Variants in KPNA1 observed in about 807,000 individuals in gnomAD.
KPNA1 encodes the protein karyopherin subunit alpha 1.
Under a neutral mutation model 70.5 loss-of-function variants are expected in KPNA1, and 10 were observed. The observed-to-expected ratio is 0.14, with a 90% CI of 0.09 to 0.24. KPNA1 has a LOEUF of 0.24. Among genes scored for constraint, KPNA1 ranks in the 10% least tolerant of loss-of-function variants. KPNA1 has a pLI of 1.00. For missense variants in KPNA1, 397 were observed against 637.9 expected, an observed-to-expected ratio of 0.62 and a Z score of 4.07; for synonymous variants, 192 against 221.9, an observed-to-expected ratio of 0.87 and a Z score of 1.20.
intron 12 of KPNA1, 105 bp downstream of exon 12, chr3:122,433,556 A>C: frequency 1.1e-6 from 1 of 898,908 alleles, no homozygotes; most frequent in Non-Finnish European, 1.6e-6. Flanking sequence ...TTCCCCTCAA[A>C]GGCAGCTAAT....
At chr3:122,463,347 CA>C (rs10575172) in intron 4 of KPNA1, among the ~76,000 whole-genome samples, 59,266 of 135,616 alleles carry the variant, frequency 0.44, 12,917 homozygotes, top group Admixed American at 0.52. Flanking sequence ...GACTCCATCT[CA>C]AAAAAAAAAA....
chr3:122,427,809 G>C, intron 12 of KPNA1, 93 bp from the exon 13 acceptor site: 2 of 728,716 alleles, frequency 2.7e-6, no homozygotes, highest in Non-Finnish European at 4.0e-6. Flanking sequence ...TCACTGCAGA[G>C]ACTTAAAAAA....
chr3:122,469,897 AG>A (rs2076422223), intron 2 of KPNA1, among the ~76,000 whole-genome samples: 1 of 152,240 alleles, frequency 6.6e-6, no homozygotes, highest in Non-Finnish European at 1.5e-5. Flanking sequence ...CCACCAACCT[AG>A]AAACTCTGAA....
chr3:122,493,181 A>C (rs1420461907), intron 2 of KPNA1, among the ~76,000 whole-genome samples: 1 of 152,252 alleles, frequency 6.6e-6, no homozygotes, highest in Non-Finnish European at 1.5e-5. Context: ...AACAGGATTA[A>C]AACATATTAT....
chr3:122,488,445 G>A (rs1411797710), intron 2 of KPNA1, among the ~76,000 whole-genome samples: 1 of 152,108 alleles, frequency 6.6e-6, no homozygotes, highest in Non-Finnish European at 1.5e-5. Context: ...TTTGAGTCTG[G>A]GAGGTTGAGG....
intron 1 of KPNA1, among the ~76,000 whole-genome samples, chr3:122,505,750 A>G (rs891042181): frequency 3.9e-5 from 6 of 152,192 alleles, no homozygotes; most frequent in Non-Finnish European, 8.8e-5. Context: ...CTAGTTACTC[A>G]ATTATCAAAT....
At chr3:122,509,088 A>C (rs2076924009) in intron 1 of KPNA1, among the ~76,000 whole-genome samples, 1 of 152,120 alleles carries the variant, frequency 6.6e-6, no homozygotes, top group Non-Finnish European at 1.5e-5. Context: ...TCTACTAAAA[A>C]TACAAAAATT....
rs138913837 is a variant in KPNA1, at chr3:122,451,495, G to T, written c.753+39C>A. 3.0e-4 allele frequency: 343 copies of T among 1,142,990 alleles called. No homozygotes were observed. The African/African-American group carries it at 5.0e-3, about 17-fold the overall frequency. 70.8% of individuals were successfully genotyped at this position (1,142,990 alleles called of 1,614,324 possible). The stretch of plus-strand genomic sequence containing the variant: ...CATTGGTTGCAATACTCTTTTAATT[G>T]TATTTTTTCTGCCAATGTCCCAAAA... On this transcript the variant is annotated intron_variant, in intron 8 of 13. Coordinates refer to ENST00000344337, the MANE Select transcript of KPNA1 (RefSeq NM_002264.4).
chr3:122,427,638 G>A lies in KPNA1; in HGVS notation c.1329C>T (p.Ala443=). The A allele has an allele frequency of 6.2e-7, 1 of 1,614,010 alleles. No homozygotes were observed. The highest frequency in any genetic ancestry group is 8.5e-7 in the Non-Finnish European group (1 of 1,179,976). ...TCAGGATATTTTCCAAGCCATTTAG[G>A]GCAACCTGTACAATCTTAGAGTCCA... ...TVMDSKIVQV[A]LNGLENILRL... The change falls in exon 13 of 14, where the codon GCC becomes GCT. Residue 443 remains alanine (A), a synonymous_variant. Coordinates refer to ENST00000344337, the MANE Select transcript of KPNA1 (RefSeq NM_002264.4).
At chr3:122,429,253 C>G (rs1399341284) in intron 12 of KPNA1, among the ~76,000 whole-genome samples, 1 of 152,068 alleles carries the variant, frequency 6.6e-6, no homozygotes, top group Non-Finnish European at 1.5e-5. Flanking sequence ...GAGTTCAAGA[C>G]TAGCCTGGCC....
At chr3:122,485,065 T>A (rs1331846309) in intron 2 of KPNA1, among the ~76,000 whole-genome samples, 1 of 152,066 alleles carries the variant, frequency 6.6e-6, no homozygotes, top group African/African-American at 2.4e-5. Context: ...GTTTTGTTGT[T>A]GTTGCTGTTG....
chr3:122,433,406 T>A (rs895888126), intron 12 of KPNA1: 9 of 339,516 alleles, frequency 2.7e-5, no homozygotes, highest in African/African-American at 1.9e-4. Flanking sequence ...CTACTTCTTA[T>A]ATCCCAGGAT....
At chr3:122,491,063 T>C (rs951013808) in intron 2 of KPNA1, among the ~76,000 whole-genome samples, 1 of 152,242 alleles carries the variant, frequency 6.6e-6, no homozygotes, top group African/African-American at 2.4e-5. Flanking sequence ...TTTAAAGGTA[T>C]ACTAAAATAA....
At chr3:122,446,186 C>G (rs1288518903) in intron 9 of KPNA1, among the ~76,000 whole-genome samples, 5 of 152,206 alleles carry the variant, frequency 3.3e-5, no homozygotes, top group Non-Finnish European at 7.3e-5. Context: ...TAAACATCTA[C>G]AGAACTCTCC....
intron 6 of KPNA1, 62 bp downstream of exon 6, chr3:122,453,808 G>A (rs2076238421): frequency 1.0e-5 from 16 of 1,530,704 alleles, no homozygotes; most frequent in Non-Finnish European, 1.4e-5. Context: ...GGGATTACAG[G>A]AGTGAGCGAC....
chr3:122,441,614 T>C (rs976383022), intron 10 of KPNA1, among the ~76,000 whole-genome samples: 7 of 152,126 alleles, frequency 4.6e-5, no homozygotes, highest in African/African-American at 1.7e-4. Flanking sequence ...TTTTTTTTTT[T>C]CTTTGAGCTG....
chr3:122,447,808 A>G (rs577588320), intron 9 of KPNA1, among the ~76,000 whole-genome samples: 1 of 152,318 alleles, frequency 6.6e-6, no homozygotes, highest in Non-Finnish European at 1.5e-5. Context: ...TTGAGCTGAT[A>G]AGCAACTTCA....
chr3:122,464,023 C>A lies in KPNA1; in HGVS notation c.256G>T (p.Asp86Tyr). ...TTGGAAAATATCATTTCAATCATGTCAGAAGTGATGACACCACCCTGCGAT... is the reference window on the plus strand; with the variant it reads ...TTGGAAAATATCATTTCAATCATGTAAGAAGTGATGACACCACCCTGCGAT... ...EMAPGGVITS[D>Y]MIEMIFSKSP... The change falls in exon 4 of 14, where the codon GAC (aspartate) becomes TAC (tyrosine). Residue 86 changes from aspartate to tyrosine, a missense_variant. Transcript: ENST00000344337. 6.3e-7 allele frequency: 1 copy of A among 1,591,882 alleles called. No individual in the cohort carries two copies.
chr3:122,457,833 C>A (rs2076280533), intron 5 of KPNA1: 3 of 1,289,682 alleles, frequency 2.3e-6, no homozygotes, highest in Non-Finnish European at 1.0e-6. Flanking sequence ...TGGTTCCTAG[C>A]AAATGCCAGG....
Sources: allele counts gnomAD v4.1 joint callset (sites outside exome capture counted in the v4.1 genomes callset), GRCh38; gene constraint gnomAD v4.1.1; transcripts MANE v1.5; gene names NCBI Gene and HGNC (gene_info 2026-07-23, HGNC 2026-07-21).